The following PDCD11 variants were observed in gnomAD, a reference collection of about 807,000 sequenced individuals.
PDCD11 encodes protein RRP5 homolog.
A neutral mutation model predicts 198.9 loss-of-function variants in PDCD11; 97 were observed. That is an observed-to-expected ratio of 0.49 (90% confidence interval 0.41 to 0.58). The LOEUF (loss-of-function observed/expected upper bound fraction) is 0.58. Ranked by LOEUF, PDCD11 falls within the 20% of genes least tolerant of loss-of-function variation. PDCD11 has a pLI of 0.00. For missense variants in PDCD11, 2,102 were observed against 2,312.7 expected (o/e 0.91, Z 1.87); for synonymous variants, 893 against 918.0 (o/e 0.97, Z 0.49).
chr10:103,442,222 A>G lies in PDCD11; in HGVS notation c.4717A>G (p.Ser1573Gly). ...EKPHQATIKKSKKERELEKQK... is the reference protein window; with the variant it reads ...EKPHQATIKKGKKERELEKQK... The stretch of plus-strand genomic sequence containing the variant: ...CTGCTTTCCATAGCAGATAAAGAAA[A>G]GCAAGAAAGAAAGGGAGTTGGAGAA... The change falls in exon 32 of 36, where the codon AGC (serine) becomes GGC (glycine). Residue 1573 changes from serine to glycine, a missense_variant. Ser to Gly is a moderately conservative substitution (Grantham distance 56, BLOSUM62 0). Transcript: ENST00000369797. 1.2e-6 allele frequency: 2 copies of G among 1,614,020 alleles called. No homozygotes were observed. Among genetic ancestry groups the G allele is most frequent in the Non-Finnish European group, 1.7e-6 (2 of 1,179,956 alleles).
intron 7 of PDCD11, 121 bp from the exon 8 acceptor site, chr10:103,409,578 T>C (rs1247686467): frequency 1.9e-5 from 13 of 669,196 alleles, no homozygotes; most frequent in Non-Finnish European, 1.9e-5. Flanking sequence ...AAGAGTTACC[T>C]GGGAGAGGAG....
At chr10:103,400,994 A>G (rs140126500) in intron 3 of PDCD11, among the ~76,000 whole-genome samples, 2 of 152,272 alleles carry the variant, frequency 1.3e-5, no homozygotes, top group African/African-American at 4.8e-5. Context: ...TGCTCAAGCA[A>G]TCCTCCTGCC....
intron 16 of PDCD11, 105 bp from the exon 17 acceptor site, chr10:103,421,243 A>G (rs2031404977): frequency 2.4e-6 from 2 of 821,312 alleles, no homozygotes; most frequent in East Asian, 5.4e-5. Context: ...GGAGCTTCCT[A>G]GGCCCCATTT....
intron 21 of PDCD11, 111 bp from the exon 22 acceptor site, chr10:103,432,018 G>A: frequency 1.3e-6 from 1 of 761,240 alleles, no homozygotes; most frequent in Non-Finnish European, 2.4e-6. Flanking sequence ...GGGTGAGTAT[G>A]AGTAGGGGAG....
chr10:103,432,409 G>T (rs998048667), intron 22 of PDCD11, among the ~76,000 whole-genome samples, 175 bp downstream of exon 22: 1 of 152,196 alleles, frequency 6.6e-6, no homozygotes, highest in Non-Finnish European at 1.5e-5. Context: ...TCTAATTAGG[G>T]AGCTAAAATA....
intron 20 of PDCD11, 98 bp from the exon 21 acceptor site, chr10:103,427,231 G>A: frequency 2.8e-6 from 3 of 1,064,570 alleles, no homozygotes; most frequent in Non-Finnish European, 4.4e-6. Context: ...GGGTGCTTTT[G>A]TGAGCTTGGT....
chr10:103,415,231 C>A, intron 12 of PDCD11, 80 bp downstream of exon 12: 1 of 1,443,778 alleles, frequency 6.9e-7, no homozygotes, highest in Admixed American at 1.8e-5. Flanking sequence ...TGCCTTTTTC[C>A]ACAAAGTGAG....
intron 28 of PDCD11, 64 bp from the exon 29 acceptor site, chr10:103,440,226 G>T: frequency 1.9e-6 from 3 of 1,542,860 alleles, no homozygotes; most frequent in Non-Finnish European, 2.6e-6. Flanking sequence ...AAAAAGGCCT[G>T]GGCCGCCTGT....
chr10:103,435,506 C>T (rs2032114319), intron 25 of PDCD11, among the ~76,000 whole-genome samples: 1 of 151,596 alleles, frequency 6.6e-6, no homozygotes, highest in African/African-American at 2.4e-5. Context: ...AGTGCAGTGG[C>T]GCGAGACACA....
At chr10:103,418,030 T>C (rs1050199855) in intron 14 of PDCD11, 98 bp downstream of exon 14, 1 of 1,332,118 alleles carries the variant, frequency 7.5e-7, no homozygotes, top group Non-Finnish European at 1.1e-6. Context: ...AGCGGAAAGA[T>C]AGAGGTAGCT....
At position 103,439,752 on chromosome 10, in the gene PDCD11, C is replaced by T. The variant is rs2032297913; in HGVS notation, c.4032C>T (p.Gly1344=). 4 of 1,614,046 alleles carry T rather than the reference C, an allele frequency of 2.5e-6. No individual in the cohort carries two copies. The highest frequency in any genetic ancestry group is 3.4e-6 in the Non-Finnish European group (4 of 1,180,032). Residue 1344 remains glycine (G), a synonymous_variant, in exon 28 of 36, where the codon GGC becomes GGT. Transcript: ENST00000369797. Reference sequence around the variant, plus strand: ...CTTGCCTCTCTCCTTTCAGCCTTGGCCCCTCCGTTGTGGGTTTGGCTCGGT... The same window carrying T: ...CTTGCCTCTCTCCTTTCAGCCTTGGTCCCTCCGTTGTGGGTTTGGCTCGGT... ...IQPHGVFFRL[G]PSVVGLARYS...
At chr10:103,398,346 C>T (rs1480871793) in intron 1 of PDCD11, 70 bp from the exon 2 acceptor site, 4 of 925,412 alleles carry the variant, frequency 4.3e-6, no homozygotes, top group African/African-American at 1.6e-5. Flanking sequence ...GTCTCTTGCC[C>T]GTTGATAACA....
At chr10:103,397,081 C>T (rs955013738) in intron 1 of PDCD11, among the ~76,000 whole-genome samples, 1 of 152,162 alleles carries the variant, frequency 6.6e-6, no homozygotes, top group African/African-American at 2.4e-5. Flanking sequence ...CCGGTCATCA[C>T]TTCTTTAGTC....
intron 3 of PDCD11, among the ~76,000 whole-genome samples, chr10:103,401,761 G>A (rs1347704911): frequency 6.6e-6 from 1 of 150,682 alleles, no homozygotes; most frequent in East Asian, 2.0e-4. Context: ...TTTTTGAGAC[G>A]GAGTCTCGCA....
In PDCD11 at chr10:103,406,608, G is replaced by T. The variant is rs1199036523; in HGVS notation, c.689-1G>T. The T allele has an allele frequency of 1.2e-6, 2 of 1,613,508 alleles. No individual in the cohort carries two copies. Among genetic ancestry groups the T allele is most frequent in the African/African-American group, 1.3e-5 (1 of 74,880 alleles). On this transcript the variant is annotated splice_acceptor_variant, in intron 6 of 35. Transcript: ENST00000369797. LOFTEE classifies it high-confidence loss of function. ...TTTGGGGCCTGGGTCTGGGCTTACA[G>T]GTGCTAAACTAAAGGTGGGTCAGTA...
At chr10:103,406,584 T>C (rs188140648) in intron 6 of PDCD11, 25 bp from the exon 7 acceptor site, 14 of 1,603,336 alleles carry the variant, frequency 8.7e-6, no homozygotes, top group Non-Finnish European at 1.2e-5. Flanking sequence ...ATTTTTCCTT[T>C]TGGGGCCTGG....
At chr10:103,419,481 G>A (rs2031300574) in intron 15 of PDCD11, 57 bp from the exon 16 acceptor site, 1 of 1,556,406 alleles carries the variant, frequency 6.4e-7, no homozygotes, top group Non-Finnish European at 8.7e-7. Flanking sequence ...AAGGAGATGG[G>A]AGAGATGGAC....
rs1437738447 is a variant in PDCD11, at chr10:103,400,310, G to A, written c.103-87G>A. The A allele has an allele frequency of 1.0e-5, 12 of 1,188,300 alleles. No individual in the cohort carries two copies. The African/African-American group carries it at 1.9e-4, about 19-fold the overall frequency. 73.6% of individuals were successfully genotyped at this position (1,188,300 alleles called of 1,614,324 possible). A position where few individuals can be genotyped will look rare whatever the true frequency, so the allele number is the denominator to read the frequency against. On this transcript the variant is annotated intron_variant, in intron 2 of 35. Transcript: ENST00000369797. ...GTGGAGTGAAGGAGTAACAAAGCAA[G>A]GTGAGTGATGACCTGAAATAGGAGG...
rs1275191240 is a variant in PDCD11, at chr10:103,440,769, G to T, written c.4476G>T (p.Leu1492=). The change falls in exon 30 of 36, where the codon CTG becomes CTT. Residue 1492 remains leucine (L), a synonymous_variant. Coordinates refer to ENST00000369797, the MANE Select transcript of PDCD11 (RefSeq NM_014976.2). ...RVSKKPKKAG[L]SEEDDSLVDV... ...GCAAGAAGCCAAAGAAAGCCGGCCTGTCAGAGGAGGACGACAGCCTTGTGG... is the reference window on the plus strand; with the variant it reads ...GCAAGAAGCCAAAGAAAGCCGGCCTTTCAGAGGAGGACGACAGCCTTGTGG... 1 of 1,614,042 alleles carries T rather than the reference G, an allele frequency of 6.2e-7. No homozygotes were observed. The highest frequency in any genetic ancestry group is 8.5e-7 in the Non-Finnish European group (1 of 1,180,030).
Sources: allele counts gnomAD v4.1 joint callset (sites outside exome capture counted in the v4.1 genomes callset), GRCh38; gene constraint gnomAD v4.1.1; transcripts MANE v1.5; gene names NCBI Gene and HGNC (gene_info 2026-07-23, HGNC 2026-07-21).